RNF220: variants seen among roughly 807,000 people sequenced by gnomAD.
RNF220 encodes ring finger protein 220, also known as E3 ubiquitin-protein ligase RNF220.
RNF220 carries 7 observed loss-of-function variants against 67.1 expected under a neutral mutation model. The observed-to-expected ratio is 0.10, with a 90% confidence interval of 0.06 to 0.20. The LOEUF is 0.20. RNF220 is among the 10% of genes least tolerant of loss of function. The probability of loss-of-function intolerance (pLI) is 1.00; values close to 1 mark genes in which losing one functional copy is unlikely to be tolerated. For synonymous variants in RNF220, 270 were observed against 283.2 expected (o/e 0.95, Z 0.47); for missense variants, 565 against 740.3 (o/e 0.76, Z 2.75).
At chr1:44,505,077 T>G (rs894663127) in intron 2 of RNF220, among the ~76,000 whole-genome samples, 2 of 152,168 alleles carry the variant, frequency 1.3e-5, no homozygotes, top group South Asian at 2.1e-4. Flanking sequence ...CCCCATACAC[T>G]ATATGTTACT....
At chr1:44,613,020 A>T (rs1278875039) in intron 2 of RNF220, among the ~76,000 whole-genome samples, 4 of 149,872 alleles carry the variant, frequency 2.7e-5, no homozygotes, top group African/African-American at 4.9e-5. Flanking sequence ...TCAACCCCAC[A>T]CCTGTAAGCA....
intron 6 of RNF220, 60 bp downstream of exon 6, chr1:44,632,445 C>G: frequency 4.1e-6 from 6 of 1,471,434 alleles, no homozygotes; most frequent in South Asian, 1.2e-5. Flanking sequence ...CCCTCCCTCA[C>G]TGCCTGCCGC....
intron 2 of RNF220, among the ~76,000 whole-genome samples, chr1:44,568,482 C>T (rs1336279758): frequency 6.6e-6 from 1 of 152,198 alleles, no homozygotes; most frequent in Non-Finnish European, 1.5e-5. Flanking sequence ...AGTGCCTGGC[C>T]ACATGGTAAA....
chr1:44,502,879 C>T (rs980458663), intron 2 of RNF220, among the ~76,000 whole-genome samples: 6 of 152,122 alleles, frequency 3.9e-5, no homozygotes, highest in Admixed American at 2.0e-4. Context: ...GATCCTCCTG[C>T]TTCAGCCTCT....
At position 44,626,413 on chromosome 1, in the gene RNF220, T is replaced by A. The variant is rs1265821164; in HGVS notation, c.906+15T>A. The stretch of plus-strand genomic sequence containing the variant: ...ACAGATACCAGGTGAGGAGGGGTGG[T>A]GAGTGGCCATGAGAAGCAAGCTCAC... On this transcript the variant is annotated intron_variant, in intron 5 of 14. Coordinates refer to ENST00000361799, the MANE Select transcript of RNF220 (RefSeq NM_018150.4). 5 of 1,596,890 alleles carry A rather than the reference T, an allele frequency of 3.1e-6. No individual in the cohort carries two copies. The highest frequency in any genetic ancestry group is 1.7e-5 in the Admixed American group (1 of 59,930).
intron 2 of RNF220, among the ~76,000 whole-genome samples, chr1:44,438,582 A>G (rs1208068625): frequency 6.6e-6 from 1 of 152,198 alleles, no homozygotes; most frequent in Admixed American, 6.5e-5. Context: ...TAATACAGGT[A>G]AGGTCTAGGC....
Position 44,634,885 on chromosome 1 carries a change from C to T in RNF220, c.950-660C>T, listed in dbSNP as rs747151160. 2.6e-5 allele frequency among the ~76,000 whole-genome samples: 4 copies of T among 152,252 alleles called. 1 individual carries two copies. The highest frequency in any genetic ancestry group is 5.9e-5 in the Non-Finnish European group (4 of 68,012). ...ATGATGGAACAGGTTCGGGTGGGCA[C>T]AATAAGGGCTGCCTTCTCAGGGTTC... On this transcript the variant is annotated intron_variant, in intron 6 of 14. Transcript: ENST00000361799.
chr1:44,471,344 T>G (rs1034163601), intron 2 of RNF220, among the ~76,000 whole-genome samples: 1 of 152,166 alleles, frequency 6.6e-6, no homozygotes, highest in Non-Finnish European at 1.5e-5. Context: ...GAGAATCGCT[T>G]GAACCTGGGA....
At chr1:44,551,351 G>A (rs377632346) in intron 2 of RNF220, among the ~76,000 whole-genome samples, 2 of 152,030 alleles carry the variant, frequency 1.3e-5, no homozygotes, top group East Asian at 1.9e-4. Flanking sequence ...CCGACCTCAT[G>A]TGATCCACCC....
chr1:44,486,643 A>T (rs545745687), intron 2 of RNF220, among the ~76,000 whole-genome samples: 1 of 152,188 alleles, frequency 6.6e-6, no homozygotes, highest in Non-Finnish European at 1.5e-5. Flanking sequence ...ACCTAGGGCC[A>T]TTCCAGAAGA....
intron 2 of RNF220, among the ~76,000 whole-genome samples, chr1:44,429,655 TG>T (rs989595511): frequency 1.3e-5 from 2 of 152,042 alleles, no homozygotes; most frequent in Non-Finnish European, 2.9e-5. Flanking sequence ...AAGATGGAGG[TG>T]GGAAGATGGC....
At position 44,412,041 on chromosome 1, in the gene RNF220, C is replaced by T. The variant is rs79317947; in HGVS notation, c.-57C>T. On this transcript the variant is annotated 5_prime_UTR_variant, in exon 2 of 15. Transcript: ENST00000361799. This position sits in a 1 kb window ranked among gnomAD's most constrained non-coding sequence, Gnocchi z 5.3. ...TGCCCTGACCCAAAGTGCTGGTTGG[C>T]CTCCCTCCCAGGGAAGACTGCTTCT... is the stretch of plus-strand genomic sequence containing the variant. 1.3e-6 allele frequency: 2 copies of T among 1,553,908 alleles called. No individual in the cohort carries two copies. The highest frequency in any genetic ancestry group is 2.7e-5 in the African/African-American group (2 of 73,242).
intron 2 of RNF220, among the ~76,000 whole-genome samples, chr1:44,537,845 G>C (rs796250130): frequency 1.3e-5 from 2 of 152,284 alleles, no homozygotes; most frequent in African/African-American, 4.8e-5. Context: ...TGTGCACTGC[G>C]CCTCTGCCAA....
Position 44,412,832 on chromosome 1 carries a change from T to A in RNF220, c.625+110T>A. 1 of 1,246,744 alleles carries A rather than the reference T, an allele frequency of 8.0e-7. No homozygotes were observed. Among genetic ancestry groups the A allele is most frequent in the Non-Finnish European group, 1.1e-6 (1 of 889,236 alleles). 77.2% of individuals were successfully genotyped at this position (1,246,744 alleles called of 1,614,324 possible). A position where few individuals can be genotyped will look rare whatever the true frequency, so the allele number is the denominator to read the frequency against. On this transcript the variant is annotated intron_variant, in intron 2 of 14. Transcript: ENST00000361799. The surrounding 1 kb of genome is among the most constrained non-coding windows in gnomAD (Gnocchi z 5.3). ...GCTCCTAGTAATAGGAAGGGCCAAC[T>A]ACTTCCCTTTCACTAGCTGTGGAGT...
At chr1:44,497,709 CAAATCTCT>C (rs1657463878) in intron 2 of RNF220, among the ~76,000 whole-genome samples, 1 of 152,156 alleles carries the variant, frequency 6.6e-6, no homozygotes, top group African/African-American at 2.4e-5. Flanking sequence ...TTGGTACATG[CAAATCTCT>C]CCATTCCCCC....
chr1:44,455,669 G>C (rs1413121651), intron 2 of RNF220, among the ~76,000 whole-genome samples: 2 of 152,234 alleles, frequency 1.3e-5, no homozygotes, highest in Non-Finnish European at 2.9e-5. Flanking sequence ...CACATGGAAA[G>C]ATGAATAAGT....
chr1:44,629,530 G>A (rs1385839895), intron 5 of RNF220, among the ~76,000 whole-genome samples: 1 of 152,116 alleles, frequency 6.6e-6, no homozygotes, highest in Admixed American at 6.6e-5. Context: ...TGAGTGCTAT[G>A]ACAGGAGTAT....
At chr1:44,587,376 A>G (rs1210623149) in intron 2 of RNF220, among the ~76,000 whole-genome samples, 2 of 151,506 alleles carry the variant, frequency 1.3e-5, no homozygotes, top group African/African-American at 4.9e-5. Flanking sequence ...CAAACTCCTG[A>G]CCTCAGGTGA....
chr1:44,530,918 G>A (rs1660788566), intron 2 of RNF220, among the ~76,000 whole-genome samples: 1 of 152,154 alleles, frequency 6.6e-6, no homozygotes, highest in Non-Finnish European at 1.5e-5. Context: ...AGCCGAGATT[G>A]CGCCATTGCA....
Sources: allele counts gnomAD v4.1 joint callset (sites outside exome capture counted in the v4.1 genomes callset), GRCh38; gene constraint gnomAD v4.1.1; non-coding constraint Gnocchi (gnomAD v3.1); transcripts MANE v1.5; gene names NCBI Gene and HGNC (gene_info 2026-07-23, HGNC 2026-07-21).